ADAMTS18: variants seen among roughly 807,000 people sequenced by gnomAD.
ADAMTS18 encodes the protein A disintegrin and metalloproteinase with thrombospondin motifs 18.
ADAMTS18 carries 157 observed loss-of-function variants against 165.9 expected under a neutral mutation model. The ratio of observed to expected loss-of-function variants is 0.95; its 90% CI spans 0.83 to 1.08. The LOEUF (loss-of-function observed/expected upper bound fraction) is 1.08. Ranked by LOEUF, ADAMTS18 falls within the 50% of genes least tolerant of loss-of-function variation. The pLI, the probability that ADAMTS18 is intolerant of heterozygous loss-of-function variation, is 0.00. For synonymous variants in ADAMTS18, 782 were observed against 578.2 expected (o/e 1.35, Z -5.06); for missense variants, 2,040 against 1,534.0 (o/e 1.33, Z -5.51).
intron 8 of ADAMTS18, 142 bp downstream of exon 8, chr16:77,359,176 T>A: frequency 1.3e-6 from 1 of 785,096 alleles, no homozygotes. Flanking sequence ...TAGTGAGCCC[T>A]TTGTATAGTC....
chr16:77,415,511 C>T (rs1277171634), intron 3 of ADAMTS18, among the ~76,000 whole-genome samples: 1 of 151,988 alleles, frequency 6.6e-6, no homozygotes, highest in East Asian at 1.9e-4. Context: ...CCCAGGTGTC[C>T]CAGAATTTGA....
At chr16:77,432,259 C>A (rs1019324541) in intron 2 of ADAMTS18, among the ~76,000 whole-genome samples, 17 of 152,182 alleles carry the variant, frequency 1.1e-4, no homozygotes, top group Admixed American at 5.2e-4. Flanking sequence ...CAGGGATGAT[C>A]CCATTTAATT....
At chr16:77,291,688 T>C (rs950389012) in intron 20 of ADAMTS18, among the ~76,000 whole-genome samples, 3 of 152,232 alleles carry the variant, frequency 2.0e-5, no homozygotes, top group Admixed American at 1.3e-4. Context: ...AGAACGGAAC[T>C]GACTTTCCCA....
intron 3 of ADAMTS18, among the ~76,000 whole-genome samples, chr16:77,428,378 AAAG>A (rs1268337238): frequency 2.0e-5 from 3 of 152,204 alleles, no homozygotes; most frequent in African/African-American, 7.2e-5. Flanking sequence ...CTGATTAACC[AAAG>A]AAGCTGAGCA....
chr16:77,327,315 CT>C (rs2056112392), intron 12 of ADAMTS18, among the ~76,000 whole-genome samples: 1 of 152,120 alleles, frequency 6.6e-6, no homozygotes, highest in South Asian at 2.1e-4. Flanking sequence ...ATTGTGTAGT[CT>C]TTTATCCCTT....
intron 22 of ADAMTS18, among the ~76,000 whole-genome samples, chr16:77,287,861 A>G (rs1389226448): frequency 2.6e-5 from 4 of 152,068 alleles, no homozygotes; most frequent in Non-Finnish European, 4.4e-5. Flanking sequence ...TCACTGTAAC[A>G]CTGTGAATAT....
In ADAMTS18 at chr16:77,363,862, C is replaced by G. The variant is rs774370951; in HGVS notation, c.996G>C (p.Gly332=). Residue 332 remains glycine (G), a synonymous_variant, in exon 6 of 23, where the codon GGG becomes GGC. Transcript: ENST00000282849. ...CCACGTTTATGTCACTTCCAATAGT[C>G]CCATCTTTAAATAGGCCAGAAACCT... ...MNMVSGLFKD[G]TIGSDINVVV... is the part of the protein sequence containing the mutation. 4 of 1,613,828 alleles carry G rather than the reference C, an allele frequency of 2.5e-6. No individual in the cohort carries two copies. The African/African-American group carries it at 4.0e-5, about 16-fold the overall frequency.
chr16:77,404,516 T>C (rs913525006), intron 3 of ADAMTS18, among the ~76,000 whole-genome samples: 16 of 152,172 alleles, frequency 1.1e-4, no homozygotes, highest in Admixed American at 9.8e-4. Context: ...GAAAATTTAC[T>C]ATGGGGCTAA....
At chr16:77,297,534 T>A in intron 17 of ADAMTS18, 119 bp from the exon 18 acceptor site, 1 of 1,090,900 alleles carries the variant, frequency 9.2e-7, no homozygotes, top group Non-Finnish European at 1.4e-6. Flanking sequence ...GGAATCCAAA[T>A]ATTTTGTGGA....
rs1194054736 is a variant in ADAMTS18 at position 77,283,988 on chromosome 16, G to A, written c.3634C>T (p.Gln1212Ter). 11 of 1,613,762 alleles carry A rather than the reference G, an allele frequency of 6.8e-6. No homozygotes were observed. The highest frequency in any genetic ancestry group is 1.3e-5 in the African/African-American group (1 of 74,886). The change falls in exon 23 of 23, where the codon CAA becomes TAA. Residue 1212 changes from glutamine to a stop codon, truncating the protein, a stop_gained. Transcript: ENST00000282849. LOFTEE classifies it high-confidence loss of function. ...GVCNHKFYGK[Q>*]CCKSCTRKI ...TTCCTTGTGCATGACTTGCAGCATT[G>A]TTTTCCGTAAAACTTGTGGTTGCAG... is the stretch of plus-strand genomic sequence containing the variant.
At chr16:77,336,013 G>C in intron 11 of ADAMTS18, 109 bp from the exon 12 acceptor site, 1 of 1,319,202 alleles carries the variant, frequency 7.6e-7, no homozygotes, top group Non-Finnish European at 1.1e-6. Flanking sequence ...TGGGAGAAAA[G>C]GAAAATGCCT....
intron 18 of ADAMTS18, among the ~76,000 whole-genome samples, chr16:77,296,832 CA>C (rs893735413): frequency 2.0e-5 from 3 of 150,710 alleles, no homozygotes; most frequent in Non-Finnish European, 4.4e-5. Flanking sequence ...TCCTCCCCTC[CA>C]AAAAAAAAGA....
chr16:77,337,994 C>A (rs2056337339), intron 11 of ADAMTS18, among the ~76,000 whole-genome samples: 1 of 151,112 alleles, frequency 6.6e-6, no homozygotes, highest in South Asian at 2.1e-4. Context: ...ACCTCCGCCT[C>A]CCAGGTTCAA....
chr16:77,339,453 C>T (rs561945414), intron 11 of ADAMTS18, among the ~76,000 whole-genome samples: 8 of 152,066 alleles, frequency 5.3e-5, no homozygotes, highest in East Asian at 3.9e-4. Context: ...AACACAAGTA[C>T]GTTTTATCCC....
chr16:77,323,914 T>A (rs2056048695), intron 13 of ADAMTS18, among the ~76,000 whole-genome samples: 1 of 152,222 alleles, frequency 6.6e-6, no homozygotes, highest in Non-Finnish European at 1.5e-5. Context: ...TAAACATCTG[T>A]TGCATGCATG....
intron 4 of ADAMTS18, 44 bp from the exon 5 acceptor site, chr16:77,364,425 T>A: frequency 6.3e-7 from 1 of 1,594,586 alleles, no homozygotes; most frequent in Non-Finnish European, 8.6e-7. Context: ...TTAGAGAATA[T>A]CTGGATAAGA....
chr16:77,309,714 G>C (rs927319296), intron 16 of ADAMTS18, among the ~76,000 whole-genome samples: 3 of 152,164 alleles, frequency 2.0e-5, no homozygotes, highest in Non-Finnish European at 4.4e-5. Flanking sequence ...ACTGACAGCA[G>C]TCAATTATTT....
At chr16:77,381,059 A>G (rs529987835) in intron 3 of ADAMTS18, among the ~76,000 whole-genome samples, 18 of 152,044 alleles carry the variant, frequency 1.2e-4, no homozygotes, top group African/African-American at 3.4e-4. Flanking sequence ...TTTTTAGTAG[A>G]GACGGGGTTT....
chr16:77,368,345 G>C (rs1295928469), intron 3 of ADAMTS18, among the ~76,000 whole-genome samples: 7 of 152,070 alleles, frequency 4.6e-5, no homozygotes, highest in Non-Finnish European at 1.0e-4. Context: ...TTTATGACCT[G>C]GCAGATGCCA....
Sources: allele counts gnomAD v4.1 joint callset (sites outside exome capture counted in the v4.1 genomes callset), GRCh38; gene constraint gnomAD v4.1.1; transcripts MANE v1.5; gene names NCBI Gene and HGNC (gene_info 2026-07-23, HGNC 2026-07-21).